Variants in SEMA6A observed in about 807,000 individuals in gnomAD.
The protein encoded by SEMA6A is semaphorin-6A.
A neutral mutation model predicts 96.8 loss-of-function variants in SEMA6A; 25 were observed. That is an observed-to-expected ratio of 0.26 (90% CI 0.19 to 0.36). The LOEUF is 0.36. Ranked by LOEUF, SEMA6A falls within the 10% of genes least tolerant of loss-of-function variation. SEMA6A has a pLI of 1.00. For synonymous variants in SEMA6A, 612 were observed against 518.0 expected (o/e 1.18, Z -2.46); for missense variants, 1,363 against 1,323.1 (o/e 1.03, Z -0.47).
intron 1 of SEMA6A, among the ~76,000 whole-genome samples, chr5:116,510,565 G>A (rs1758358290): frequency 6.6e-6 from 1 of 151,976 alleles, no homozygotes; most frequent in Non-Finnish European, 1.5e-5. Flanking sequence ...CTCAATAAAT[G>A]TTTATTTATT....
intron 1 of SEMA6A, among the ~76,000 whole-genome samples, chr5:116,517,268 T>C (rs1322183373): frequency 6.6e-6 from 1 of 150,448 alleles, no homozygotes; most frequent in Non-Finnish European, 1.5e-5. Flanking sequence ...TTTCCCATGT[T>C]ACTTTTCCAA....
At chr5:116,532,975 C>T (rs190476978) in intron 1 of SEMA6A, among the ~76,000 whole-genome samples, 57 of 152,294 alleles carry the variant, frequency 3.7e-4, no homozygotes, top group Non-Finnish European at 7.1e-4. Context: ...TCAGGTTTCT[C>T]CACCCCCTCT....
At chr5:116,460,487 A>G (rs925417155) in intron 18 of SEMA6A, among the ~76,000 whole-genome samples, 5 of 152,192 alleles carry the variant, frequency 3.3e-5, no homozygotes, top group African/African-American at 1.2e-4. Context: ...GACATCTTCT[A>G]TAGAATTGTC....
At chr5:116,504,734 G>C in intron 2 of SEMA6A, 111 bp downstream of exon 2, 1 of 792,516 alleles carries the variant, frequency 1.3e-6, no homozygotes, top group Non-Finnish European at 2.1e-6. Flanking sequence ...CACATACAGA[G>C]GACTAATAAG....
chr5:116,527,535 G>T lies in SEMA6A; in HGVS notation c.-38-22553C>A, dbSNP rs372100915. On this transcript the variant is annotated intron_variant, in intron 1 of 18. Coordinates refer to ENST00000343348, the MANE Select transcript of SEMA6A (RefSeq NM_020796.5). The stretch of plus-strand genomic sequence containing the variant: ...GCCATGAAAAGTTGAAAGTATAAGG[G>T]AGGTTGAGGAAGAAATTCTTATCCA... Among the ~76,000 whole-genome samples, 285 of 152,298 alleles carry T rather than the reference G, an allele frequency of 1.9e-3. 1 individual carries two copies. The highest frequency in any genetic ancestry group is 3.2e-3 in the Non-Finnish European group (219 of 68,012).
intron 7 of SEMA6A, among the ~76,000 whole-genome samples, chr5:116,489,350 C>T (rs1757217091): frequency 6.6e-6 from 1 of 152,136 alleles, no homozygotes; most frequent in Admixed American, 6.5e-5. Context: ...TTGGACACTA[C>T]TACTGCCACC....
At chr5:116,477,762 G>A (rs1756531555) in intron 15 of SEMA6A, 84 bp downstream of exon 15, 1 of 1,319,376 alleles carries the variant, frequency 7.6e-7, no homozygotes, top group Non-Finnish European at 1.1e-6. Context: ...GTGTGGTGGT[G>A]TGTGTGAGCA....
chr5:116,485,877 G>C (rs943488256), intron 10 of SEMA6A, among the ~76,000 whole-genome samples: 3 of 152,170 alleles, frequency 2.0e-5, no homozygotes, highest in African/African-American at 7.2e-5. Context: ...CTGAAATCTT[G>C]TTGGCTTAAC....
At chr5:116,477,950 G>C (rs376327242) in intron 14 of SEMA6A, 24 bp from the exon 15 acceptor site, 1 of 1,613,904 alleles carries the variant, frequency 6.2e-7, no homozygotes, top group Non-Finnish European at 8.5e-7. Context: ...ATGACCATGA[G>C]CTACCTAGGA....
At chr5:116,508,599 G>A (rs1042310015) in intron 1 of SEMA6A, among the ~76,000 whole-genome samples, 18 of 152,176 alleles carry the variant, frequency 1.2e-4, no homozygotes, top group Non-Finnish European at 2.1e-4. Flanking sequence ...CCTGGCAGAA[G>A]CTGACTCAGA....
rs1467438216 is a variant in SEMA6A at position 116,449,188 on chromosome 5, A to C, written c.1895-1377T>G. ...TGCTTGATGCAGTCGCTAAAAAATA[A>C]AATCTCTAATACCTCAATTCCTGCC... On this transcript the variant is annotated intron_variant, in intron 18 of 18. Transcript: ENST00000343348. 3 of 593,366 alleles carry C rather than the reference A, an allele frequency of 5.1e-6. No homozygotes were observed. The East Asian group carries it at 8.6e-5, about 17-fold the overall frequency. The allele number at this position is 593,366 out of a possible 1,614,324, so 36.8% of individuals were successfully genotyped here. A position where few individuals can be genotyped will look rare whatever the true frequency, so the allele number is the denominator to read the frequency against.
chr5:116,536,765 T>C (rs1277998121), intron 1 of SEMA6A, among the ~76,000 whole-genome samples: 2 of 151,218 alleles, frequency 1.3e-5, no homozygotes, highest in Non-Finnish European at 2.9e-5. Flanking sequence ...AGGTACTGCA[T>C]TGTCCGCGGG....
chr5:116,449,370 A>G (rs774565397), intron 18 of SEMA6A: 1 of 702,354 alleles, frequency 1.4e-6, no homozygotes, highest in Admixed American at 2.0e-5. Context: ...CTCTTTCTGG[A>G]ATATGTTTCA....
intron 1 of SEMA6A, among the ~76,000 whole-genome samples, chr5:116,570,210 G>C (rs886721119): frequency 6.6e-6 from 1 of 152,160 alleles, no homozygotes; most frequent in Non-Finnish European, 1.5e-5. Context: ...ATATCCCCAA[G>C]AGGCAACCAT....
chr5:116,498,979 AAAAAAG>A (rs1209043204), intron 3 of SEMA6A: 6 of 152,330 alleles, frequency 3.9e-5, no homozygotes, highest in African/African-American at 1.4e-4. Context: ...TTTAGAGATT[AAAAAAG>A]AAGAGGAATT....
chr5:116,458,251 C>T (rs1307895686), intron 18 of SEMA6A, among the ~76,000 whole-genome samples: 3 of 152,254 alleles, frequency 2.0e-5, no homozygotes, highest in East Asian at 1.9e-4. Flanking sequence ...AACACAGTGC[C>T]GTTGAACCAA....
chr5:116,449,312 G>C (rs541438286), intron 18 of SEMA6A: 17 of 702,070 alleles, frequency 2.4e-5, no homozygotes, highest in South Asian at 1.5e-4. Context: ...AGACAGAAAA[G>C]GTACCTTCTC....
chr5:116,502,389 A>T, intron 2 of SEMA6A, 62 bp from the exon 3 acceptor site: 1 of 1,363,914 alleles, frequency 7.3e-7, no homozygotes, highest in Non-Finnish European at 1.0e-6. Context: ...TTGACAGGGT[A>T]GGGAGGGGAG....
chr5:116,475,438 G>C (rs1756396185), intron 16 of SEMA6A, 107 bp downstream of exon 16: 2 of 671,924 alleles, frequency 3.0e-6, no homozygotes, highest in Admixed American at 3.0e-5. Flanking sequence ...ATTTACGCAT[G>C]CTTTAGTGTC....
Sources: gnomAD v4.1 joint callset for allele counts (sites outside exome capture counted in the v4.1 genomes callset) on GRCh38, gnomAD v4.1.1 for gene constraint, MANE v1.5 for transcripts, NCBI Gene and HGNC (gene_info 2026-07-23, HGNC 2026-07-21) for gene names.